RET: variants seen among roughly 807,000 people sequenced by gnomAD.
RET encodes the protein proto-oncogene tyrosine-protein kinase receptor Ret.
In RET, 19 loss-of-function variants were observed where a neutral mutation model predicts 118.3. The observed-to-expected ratio is 0.16, with a 90% CI of 0.11 to 0.24. The LOEUF (loss-of-function observed/expected upper bound fraction) is 0.24. RET is among the 10% of genes least tolerant of loss of function. The probability of loss-of-function intolerance (pLI) is 1.00; values close to 1 mark genes in which losing one functional copy is unlikely to be tolerated. For synonymous variants in RET, 597 were observed against 644.1 expected (o/e 0.93, Z 1.11); for missense variants, 1,219 against 1,502.1 (o/e 0.81, Z 3.12).
intron 3 of RET, among the ~76,000 whole-genome samples, chr10:43,104,554 T>C (rs1837714577): frequency 6.6e-6 from 1 of 151,962 alleles, no homozygotes; most frequent in South Asian, 2.1e-4. Context: ...TAGCTGGCTC[T>C]CTAGGGCTGC....
rs534994793 is a variant in RET, at chr10:43,106,776, C to G, written c.1063+205C>G. 6.6e-6 allele frequency among the ~76,000 whole-genome samples: 1 copy of G among 152,162 alleles called. No individual in the cohort carries two copies. Among genetic ancestry groups the G allele is most frequent in the Non-Finnish European group, 1.5e-5 (1 of 68,028 alleles). On this transcript the variant is annotated intron_variant, in intron 5 of 19. Coordinates refer to ENST00000355710, the MANE Select transcript of RET (RefSeq NM_020975.6). This position sits in a 1 kb window ranked among gnomAD's most constrained non-coding sequence, Gnocchi z 5.1. The stretch of plus-strand genomic sequence containing the variant: ...ACCAGCAGGGCTTTCACCATGGGAC[C>G]TCTCTCCCTGAGCTGATCCATGGCC...
intron 3 of RET, chr10:43,102,978 A>T (rs573075892): frequency 2.6e-6 from 1 of 377,966 alleles, no homozygotes; most frequent in Non-Finnish European, 5.1e-6. Context: ...ACAGACGAGG[A>T]GACCTCCATT....
intron 18 of RET, 102 bp downstream of exon 18, chr10:43,125,084 G>C: frequency 7.8e-6 from 8 of 1,025,986 alleles, no homozygotes; most frequent in Non-Finnish European, 1.2e-5. Context: ...CCAGTGTGGG[G>C]CCACAGTGGG....
intron 9 of RET, 30 bp downstream of exon 9, chr10:43,112,993 C>A: frequency 6.3e-7 from 1 of 1,577,816 alleles, no homozygotes; most frequent in Non-Finnish European, 8.7e-7. Flanking sequence ...GGCATGGGAA[C>A]AGGTAGGAGA....
At chr10:43,095,971 G>A (rs941380567) in intron 1 of RET, among the ~76,000 whole-genome samples, 1 of 152,162 alleles carries the variant, frequency 6.6e-6, no homozygotes, top group African/African-American at 2.4e-5. Context: ...TCAGACAAGC[G>A]ACACTGCCAT....
intron 18 of RET, among the ~76,000 whole-genome samples, chr10:43,126,256 G>A (rs112680565): frequency 3.3e-4 from 51 of 152,332 alleles, no homozygotes; most frequent in African/African-American, 5.5e-4. Flanking sequence ...TAGATGAGGC[G>A]TCCCCCAAGG....
rs139925563 is a variant in RET, at chr10:43,129,923, A to G, written c.*1654A>G. ...CATGGTAAACTTTTGGTTTTCAGAT[A>G]TGCTTAATGATAGTCTTACTAAATG... On this transcript the variant is annotated 3_prime_UTR_variant, in exon 20 of 20. Coordinates refer to ENST00000355710, the MANE Select transcript of RET (RefSeq NM_020975.6). 3 of 399,036 alleles carry G rather than the reference A, an allele frequency of 7.5e-6. No homozygotes were observed. The highest frequency in any genetic ancestry group is 6.2e-5 in the African/African-American group (3 of 48,758). The allele number at this position is 399,036 out of a possible 1,614,324, so 24.7% of individuals were successfully genotyped here. A position where few individuals can be genotyped will look rare whatever the true frequency, so the allele number is the denominator to read the frequency against.
chr10:43,114,010 A>G lies in RET; in HGVS notation c.1879+335A>G, dbSNP rs866299746. On this transcript the variant is annotated intron_variant, in intron 10 of 19. Coordinates refer to ENST00000355710, the MANE Select transcript of RET (RefSeq NM_020975.6). The surrounding 1 kb of genome is among the most constrained non-coding windows in gnomAD (Gnocchi z 4.6). ...GGTCAGCAGGTATGGTGGGTTGCACAGCCACACTGACTACACTCAGGGGTG... is the reference window on the plus strand; with the variant it reads ...GGTCAGCAGGTATGGTGGGTTGCACGGCCACACTGACTACACTCAGGGGTG... Among the ~76,000 whole-genome samples the G allele has an allele frequency of 7.9e-5, 12 of 152,214 alleles. No individual in the cohort carries two copies. Among genetic ancestry groups the G allele is most frequent in the Admixed American group, 7.2e-4 (11 of 15,284 alleles).
At chr10:43,105,756 T>A (rs1397256940) in intron 4 of RET, among the ~76,000 whole-genome samples, 1 of 152,004 alleles carries the variant, frequency 6.6e-6, no homozygotes, top group Admixed American at 6.5e-5. Flanking sequence ...TTGTTCCGCT[T>A]CTCTGGGCAC....
chr10:43,096,225 G>T (rs184152845), intron 1 of RET, among the ~76,000 whole-genome samples: 4 of 152,070 alleles, frequency 2.6e-5, no homozygotes, highest in Admixed American at 2.6e-4. Flanking sequence ...CGTGGGTCTC[G>T]ACCCACGGGC....
intron 1 of RET, among the ~76,000 whole-genome samples, chr10:43,082,821 ATG>A (rs1057330088): frequency 2.0e-5 from 3 of 152,112 alleles, no homozygotes; most frequent in African/African-American, 7.2e-5. Flanking sequence ...GACTGGGGAG[ATG>A]TGTGCTCTGG....
intron 8 of RET, 128 bp downstream of exon 8, chr10:43,112,352 A>T: frequency 7.2e-7 from 1 of 1,389,302 alleles, no homozygotes; most frequent in Non-Finnish European, 9.9e-7. Context: ...CTCATCCCCC[A>T]TGTGGCTCTC....
At chr10:43,094,097 G>A (rs1370789544) in intron 1 of RET, among the ~76,000 whole-genome samples, 2 of 150,654 alleles carry the variant, frequency 1.3e-5, no homozygotes. Flanking sequence ...GCGGTGGGGG[G>A]GTGGGGGTGG....
At chr10:43,108,471 G>GGTCA (rs1310063411) in intron 5 of RET, among the ~76,000 whole-genome samples, 1 of 152,116 alleles carries the variant, frequency 6.6e-6, no homozygotes, top group African/African-American at 2.4e-5. Flanking sequence ...TGTTAATGCC[G>GGTCA]GTCAGTTGTG....
chr10:43,105,218 C>T (rs556768978), intron 4 of RET, 25 bp downstream of exon 4: 4 of 1,612,336 alleles, frequency 2.5e-6, no homozygotes, highest in Non-Finnish European at 2.5e-6. Flanking sequence ...GTGCTGTGGT[C>T]TACCCAGTGT....
chr10:43,120,050 G>T, intron 14 of RET, 31 bp from the exon 15 acceptor site: 1 of 1,612,050 alleles, frequency 6.2e-7, no homozygotes, highest in South Asian at 1.1e-5. Flanking sequence ...CCTGGCCATG[G>T]CCTGACGACT....
In RET at chr10:43,118,379, C is replaced by A. The variant is rs2132927580; in HGVS notation, c.2291C>A (p.Ala764Asp). The change falls in exon 13 of 20, where the codon GCC becomes GAC. Residue 764 changes from alanine (A) to aspartate (D), a missense_variant. Ala to Asp is a moderately radical substitution (Grantham distance 126). This residue lies in a region of RET where 850 missense variants were observed against 969.6 expected (regional missense o/e 0.88). Transcript: ENST00000355710. ...GCTCTGTGCTGCATTTCAGAGAACG[C>A]CTCCCCGAGTGAGCTGCGAGACCTG... is the stretch of plus-strand genomic sequence containing the variant. ...TVAVKMLKEN[A>D]SPSELRDLLS... 6.2e-7 allele frequency: 1 copy of A among 1,613,692 alleles called. No homozygotes were observed. Among genetic ancestry groups the A allele is most frequent in the Non-Finnish European group, 8.5e-7 (1 of 1,179,652 alleles).
At position 43,102,482 on chromosome 10, in the gene RET, C is replaced by T. The variant is rs747536732; in HGVS notation, c.478C>T (p.Leu160Phe). 1 of 1,614,238 alleles carries T rather than the reference C, an allele frequency of 6.2e-7. No homozygotes were observed. The change falls in exon 3 of 20, where the codon CTC becomes TTC. Residue 160 changes from leucine to phenylalanine, a missense_variant. Coordinates refer to ENST00000355710, the MANE Select transcript of RET (RefSeq NM_020975.6). ...FNTSFPACSSLKPRELCFPET... is the reference protein window; with the variant it reads ...FNTSFPACSSFKPRELCFPET... ...CACCTCCTTTCCAGCCTGCAGCTCC[C>T]TCAAGCCCCGGGAGCTCTGCTTCCC...
At chr10:43,089,485 C>T (rs1837365317) in intron 1 of RET, among the ~76,000 whole-genome samples, 1 of 152,190 alleles carries the variant, frequency 6.6e-6, no homozygotes, top group Admixed American at 6.5e-5. Flanking sequence ...CCTTTTGCTG[C>T]CCAAGGAAGT....
Sources: gnomAD v4.1 joint callset for allele counts (sites outside exome capture counted in the v4.1 genomes callset) on GRCh38, gnomAD v4.1.1 for gene constraint, gnomAD v4.1.1 regional missense constraint, Gnocchi (gnomAD v3.1) non-coding constraint, MANE v1.5 for transcripts, NCBI Gene and HGNC (gene_info 2026-07-23, HGNC 2026-07-21) for gene names.